SLC12A6: variants seen among roughly 807,000 people sequenced by gnomAD.
The protein encoded by SLC12A6 is solute carrier family 12 member 6.
SLC12A6 carries 66 observed loss-of-function variants against 135.3 expected under a neutral mutation model. That is an observed-to-expected ratio of 0.49 (90% CI 0.40 to 0.60). The LOEUF is 0.60. SLC12A6 is among the 20% of genes least tolerant of loss of function. SLC12A6 has a pLI of 0.00. For missense variants in SLC12A6, 1,058 were observed against 1,452.3 expected (o/e 0.73, Z 4.41); for synonymous variants, 513 against 508.8 (o/e 1.01, Z -0.11).
intron 3 of SLC12A6, among the ~76,000 whole-genome samples, chr15:34,268,440 A>G (rs76919361): frequency 0.046 from 6,947 of 152,340 alleles, 171 homozygotes; most frequent in Non-Finnish European, 0.06. Flanking sequence ...TTCCTGGTCA[A>G]TCATGGCTTG....
chr15:34,243,734 G>C (rs184543860), intron 16 of SLC12A6, among the ~76,000 whole-genome samples: 1 of 152,244 alleles, frequency 6.6e-6, no homozygotes, highest in East Asian at 1.9e-4. Context: ...ATTATAGAAG[G>C]CTGGATATCT....
rs148671811 is a variant in SLC12A6, at chr15:34,284,976, G to A, written c.272-9587C>T. 3.5e-4 allele frequency among the ~76,000 whole-genome samples: 53 copies of A among 152,304 alleles called. No homozygotes were observed. The East Asian group carries it at 8.3e-3, about 24-fold the overall frequency. On this transcript the variant is annotated intron_variant, in intron 2 of 25. Transcript: ENST00000354181. ...TTTGATGAATGGCAGCAAGGAGACCGGATTATCAGACAGAATAAGCAAGTT... is the reference window on the plus strand; with the variant it reads ...TTTGATGAATGGCAGCAAGGAGACCAGATTATCAGACAGAATAAGCAAGTT...
chr15:34,275,232 G>C, intron 3 of SLC12A6, 113 bp downstream of exon 3: 2 of 632,510 alleles, frequency 3.2e-6, no homozygotes, highest in Non-Finnish European at 5.8e-6. Context: ...TGTTGGGTGG[G>C]AAGTAGAAAA....
chr15:34,244,096 A>G (rs2140682792), intron 15 of SLC12A6, 24 bp from the exon 16 acceptor site: 1 of 1,234,154 alleles, frequency 8.1e-7, no homozygotes, highest in East Asian at 2.3e-5. Context: ...AGTAAGAGGA[A>G]TGATTATTAC....
intron 2 of SLC12A6, among the ~76,000 whole-genome samples, chr15:34,333,485 C>T (rs1046736786): frequency 2.0e-5 from 3 of 151,960 alleles, no homozygotes; most frequent in Non-Finnish European, 4.4e-5. Context: ...CCCGCCTCGG[C>T]CTCCCAAAGT....
At chr15:34,317,522 G>A (rs1047421914) in intron 2 of SLC12A6, among the ~76,000 whole-genome samples, 4 of 152,166 alleles carry the variant, frequency 2.6e-5, no homozygotes, top group African/African-American at 9.7e-5. Flanking sequence ...GGCCAAAAAG[G>A]TGAAACCTTG....
chr15:34,255,234 T>C, intron 8 of SLC12A6, 28 bp downstream of exon 8: 1 of 1,521,194 alleles, frequency 6.6e-7, no homozygotes, highest in African/African-American at 1.4e-5. Flanking sequence ...TCTTCTATAT[T>C]ATAGACCACA....
chr15:34,334,091 A>G (rs1399738633), intron 2 of SLC12A6, among the ~76,000 whole-genome samples: 3 of 151,924 alleles, frequency 2.0e-5, no homozygotes, highest in Admixed American at 6.6e-5. Context: ...AAAACAAAAA[A>G]AACTTCATGT....
rs192235418 is a variant in SLC12A6 at position 34,316,975 on chromosome 15, A to G, written c.271+19435T>C. On this transcript the variant is annotated intron_variant, in intron 2 of 25. Transcript: ENST00000354181. ...TAAGGGTGGAAAACATAAGCAAAGAAGGTGCAGCTTCAAATACACATTAGC... is the reference window on the plus strand; with the variant it reads ...TAAGGGTGGAAAACATAAGCAAAGAGGGTGCAGCTTCAAATACACATTAGC... Among the ~76,000 whole-genome samples the G allele has an allele frequency of 3.4e-3, 514 of 152,328 alleles. 10 individuals are homozygous for G. The highest frequency in any genetic ancestry group is 1.0e-3 in the Non-Finnish European group (68 of 68,028).
intron 16 of SLC12A6, 118 bp downstream of exon 16, chr15:34,243,856 G>C (rs141560451): frequency 5.4e-6 from 4 of 746,802 alleles, no homozygotes; most frequent in Non-Finnish European, 9.8e-6. Context: ...AGTTGAAACA[G>C]TATGAAATGG....
intron 2 of SLC12A6, among the ~76,000 whole-genome samples, chr15:34,333,171 G>A (rs8027529): frequency 0.048 from 7,228 of 151,222 alleles, 361 homozygotes; most frequent in African/African-American, 0.13. Flanking sequence ...ATACTTAAAA[G>A]TTGTATATGC....
At chr15:34,316,586 CT>C (rs1888665761) in intron 2 of SLC12A6, among the ~76,000 whole-genome samples, 1 of 152,074 alleles carries the variant, frequency 6.6e-6, no homozygotes, top group Non-Finnish European at 1.5e-5. Flanking sequence ...AGTAAAAATG[CT>C]TATTAAACTC....
intron 2 of SLC12A6, among the ~76,000 whole-genome samples, chr15:34,279,784 A>C (rs1053125848): frequency 7.2e-5 from 11 of 152,240 alleles, no homozygotes; most frequent in Non-Finnish European, 1.6e-4. Flanking sequence ...TATAATCAAA[A>C]GCCAGAGATA....
chr15:34,242,483 C>A (rs186132619), intron 16 of SLC12A6, among the ~76,000 whole-genome samples: 15 of 152,096 alleles, frequency 9.9e-5, no homozygotes, highest in Non-Finnish European at 2.2e-4. Flanking sequence ...ATGAAACAGT[C>A]GGTAGATGTG....
chr15:34,243,929 G>T (rs112899095), intron 16 of SLC12A6, 45 bp downstream of exon 16: 22,094 of 1,163,738 alleles, frequency 0.019, 270 homozygotes, highest in Middle Eastern at 0.036. Flanking sequence ...TCAAAGATGG[G>T]TTCTCTCCAA....
At chr15:34,299,744 A>C (rs1035583071) in intron 2 of SLC12A6, 4 of 152,240 alleles carry the variant, frequency 2.6e-5, no homozygotes, top group African/African-American at 9.7e-5. Context: ...TGCAGTATGT[A>C]CAAAAGAGTA....
chr15:34,319,803 A>G (rs189900666), intron 2 of SLC12A6, among the ~76,000 whole-genome samples: 124 of 152,108 alleles, frequency 8.2e-4, no homozygotes, highest in African/African-American at 2.9e-3. Context: ...TGTCTAAAAA[A>G]AAAAAGAAAG....
chr15:34,331,234 C>T (rs981889399), intron 2 of SLC12A6, among the ~76,000 whole-genome samples: 69 of 152,064 alleles, frequency 4.5e-4, no homozygotes, highest in African/African-American at 1.5e-3. Flanking sequence ...GTGCAACTTC[C>T]GCCTCCCAGG....
chr15:34,326,072 T>G (rs1595578463), intron 2 of SLC12A6, among the ~76,000 whole-genome samples: 3 of 152,228 alleles, frequency 2.0e-5, no homozygotes, highest in East Asian at 3.8e-4. Context: ...TTTTGGCCGC[T>G]GATCCAAATA....
Sources: gnomAD v4.1 joint callset for allele counts (sites outside exome capture counted in the v4.1 genomes callset) on GRCh38, gnomAD v4.1.1 for gene constraint, MANE v1.5 for transcripts, NCBI Gene and HGNC (gene_info 2026-07-23, HGNC 2026-07-21) for gene names.